PPP4R4: variants seen among roughly 807,000 people sequenced by gnomAD.
PPP4R4 encodes the protein serine/threonine-protein phosphatase 4 regulatory subunit 4.
In PPP4R4, 70 loss-of-function variants were observed where a neutral mutation model predicts 121.8. The ratio of observed to expected loss-of-function variants is 0.57; its 90% CI spans 0.47 to 0.70. The LOEUF (loss-of-function observed/expected upper bound fraction) is 0.70. PPP4R4 is among the 30% of genes least tolerant of loss of function. PPP4R4 has a pLI of 0.00. For missense variants in PPP4R4, 875 were observed against 1,033.6 expected (o/e 0.85, Z 2.10); for synonymous variants, 348 against 355.7 (o/e 0.98, Z 0.24).
At chr14:94,186,589 A>G (rs1292163025) in intron 2 of PPP4R4, among the ~76,000 whole-genome samples, 4 of 152,216 alleles carry the variant, frequency 2.6e-5, no homozygotes, top group African/African-American at 9.7e-5. Flanking sequence ...TTATGTAGAC[A>G]TGTGCTTTCC....
At chr14:94,266,856 G>A (rs918814822) in intron 22 of PPP4R4, 103 bp from the exon 23 acceptor site, 2 of 742,376 alleles carry the variant, frequency 2.7e-6, no homozygotes, top group African/African-American at 3.7e-5. Flanking sequence ...TTCATAAGTA[G>A]AGGAAAGCAT....
rs115884149 is a variant in PPP4R4 at position 94,211,888 on chromosome 14, T to C, written c.294+3322T>C. Reference sequence around the variant, plus strand: ...GACTTCCAGATTTCTGGCTTGACCATGCATATGGTTCTGCTGGTTTTCAGT... The same window carrying C: ...GACTTCCAGATTTCTGGCTTGACCACGCATATGGTTCTGCTGGTTTTCAGT... On this transcript the variant is annotated intron_variant, in intron 3 of 24. Coordinates refer to ENST00000304338, the MANE Select transcript of PPP4R4 (RefSeq NM_058237.2). 3.3e-3 allele frequency among the ~76,000 whole-genome samples: 508 copies of C among 152,334 alleles called. 2 individuals are homozygous for C. The highest frequency in any genetic ancestry group is 0.012 in the African/African-American group (493 of 41,576).
chr14:94,180,447 G>A (rs1005741951), intron 2 of PPP4R4, among the ~76,000 whole-genome samples: 1 of 152,092 alleles, frequency 6.6e-6, no homozygotes, highest in African/African-American at 2.4e-5. Flanking sequence ...TGCATTAAAT[G>A]TATTGATTGG....
chr14:94,262,380 A>G (rs1264799478), intron 19 of PPP4R4, among the ~76,000 whole-genome samples: 2 of 151,988 alleles, frequency 1.3e-5, no homozygotes, highest in Admixed American at 1.3e-4. Context: ...GCATTAATCT[A>G]TGATGATAAC....
chr14:94,193,387 T>C (rs1889704801), intron 2 of PPP4R4, among the ~76,000 whole-genome samples: 2 of 152,138 alleles, frequency 1.3e-5, no homozygotes, highest in Non-Finnish European at 1.5e-5. Context: ...TTAATTTCTC[T>C]AAGCTCTAAT....
chr14:94,187,597 T>C (rs1428604580), intron 2 of PPP4R4, among the ~76,000 whole-genome samples: 1 of 152,070 alleles, frequency 6.6e-6, no homozygotes, highest in Non-Finnish European at 1.5e-5. Context: ...CAAACTAAAC[T>C]TCAGACTTTA....
chr14:94,199,537 G>A (rs1371759517), intron 2 of PPP4R4, among the ~76,000 whole-genome samples: 3 of 152,296 alleles, frequency 2.0e-5, no homozygotes, highest in South Asian at 2.1e-4. Context: ...TCTGTATCTC[G>A]GGGTTTCTTG....
intron 3 of PPP4R4, among the ~76,000 whole-genome samples, chr14:94,223,781 GTTA>G (rs1891543044): frequency 6.6e-6 from 1 of 152,122 alleles, no homozygotes; most frequent in Non-Finnish European, 1.5e-5. Flanking sequence ...TCCCTTTCCT[GTTA>G]TTATTCCTTC....
chr14:94,194,541 G>A (rs930793086), intron 2 of PPP4R4, among the ~76,000 whole-genome samples: 1 of 152,228 alleles, frequency 6.6e-6, no homozygotes. Flanking sequence ...CAGCAAGAAA[G>A]TGAAATCCTG....
chr14:94,191,826 A>G (rs1889619253), intron 2 of PPP4R4, among the ~76,000 whole-genome samples: 1 of 152,172 alleles, frequency 6.6e-6, no homozygotes. Context: ...CTCTTACAAA[A>G]TTATCAACTT....
At position 94,264,874 on chromosome 14, in the gene PPP4R4, A is replaced by G. The variant is rs757298734; in HGVS notation, c.2128-4A>G. On this transcript the variant is annotated splice_polypyrimidine_tract_variant and splice_region_variant and intron_variant, in intron 19 of 24. Transcript: ENST00000304338. Reference sequence around the variant, plus strand: ...TTTAATGCAAGATACTGTCTTAATAACAGGAACAATTAGAGAAAGAAAAGC... The same window carrying G: ...TTTAATGCAAGATACTGTCTTAATAGCAGGAACAATTAGAGAAAGAAAAGC... The G allele has an allele frequency of 3.1e-6, 5 of 1,595,782 alleles. No individual in the cohort carries two copies. Among genetic ancestry groups the G allele is most frequent in the Non-Finnish European group, 3.4e-6 (4 of 1,170,830 alleles).
At chr14:94,220,310 A>G (rs1177927366) in intron 3 of PPP4R4, among the ~76,000 whole-genome samples, 1 of 152,212 alleles carries the variant, frequency 6.6e-6, no homozygotes, top group Non-Finnish European at 1.5e-5. Flanking sequence ...ATGTTCAGTT[A>G]AAGGTGAAAG....
At chr14:94,180,668 T>TG (rs1888929895) in intron 2 of PPP4R4, among the ~76,000 whole-genome samples, 1 of 150,464 alleles carries the variant, frequency 6.6e-6, no homozygotes, top group Non-Finnish European at 1.5e-5. Flanking sequence ...TGGAGTGCAG[T>TG]GGCTATTCAC....
In PPP4R4 at chr14:94,278,656, A is replaced by T. The variant is rs1894772230; in HGVS notation, c.*13A>T. ...ATCCAATCCTTAAATCAACTGCTTG[A>T]TGAAGGAGGCAAAACAAAGGCAGCA... On this transcript the variant is annotated 3_prime_UTR_variant, in exon 25 of 25. Transcript: ENST00000304338. 1.3e-6 allele frequency: 2 copies of T among 1,573,646 alleles called. No homozygotes were observed. The highest frequency in any genetic ancestry group is 1.8e-5 in the Admixed American group (1 of 57,022).
intron 3 of PPP4R4, among the ~76,000 whole-genome samples, chr14:94,217,506 C>T (rs547370858): frequency 1.3e-5 from 2 of 152,160 alleles, no homozygotes; most frequent in East Asian, 3.9e-4. Flanking sequence ...TTTCTGGGCA[C>T]ACAAAATAGG....
chr14:94,278,164 A>G (rs1361245210), intron 24 of PPP4R4, among the ~76,000 whole-genome samples: 1 of 152,222 alleles, frequency 6.6e-6, no homozygotes, highest in Admixed American at 6.5e-5. Flanking sequence ...TTTGCTTCTC[A>G]AATTCTATGC....
At chr14:94,190,275 C>G (rs769252162) in intron 2 of PPP4R4, among the ~76,000 whole-genome samples, 9 of 152,078 alleles carry the variant, frequency 5.9e-5, no homozygotes, top group Non-Finnish European at 1.0e-4. Context: ...TTAGCTAGCC[C>G]TTTTCCCCTG....
chr14:94,274,375 A>G (rs1894518927), intron 23 of PPP4R4, among the ~76,000 whole-genome samples: 1 of 152,170 alleles, frequency 6.6e-6, no homozygotes, highest in Non-Finnish European at 1.5e-5. Context: ...GGAAATACTC[A>G]TAGCATATGT....
At chr14:94,268,916 G>A (rs138655033) in intron 23 of PPP4R4, among the ~76,000 whole-genome samples, 2,080 of 152,166 alleles carry the variant, frequency 0.014, 15 homozygotes, top group South Asian at 0.025. Flanking sequence ...TATCATGAGA[G>A]TAAATATTTT....
Sources: gnomAD v4.1 joint callset for allele counts (sites outside exome capture counted in the v4.1 genomes callset) on GRCh38, gnomAD v4.1.1 for gene constraint, MANE v1.5 for transcripts, NCBI Gene and HGNC (gene_info 2026-07-23, HGNC 2026-07-21) for gene names.